ZNF385D: variants seen among roughly 807,000 people sequenced by gnomAD.
The protein encoded by ZNF385D is zinc finger protein 659.
In ZNF385D, 15 loss-of-function variants were observed where a neutral mutation model predicts 35.8. That is an observed-to-expected ratio of 0.42 (90% CI 0.28 to 0.64). The LOEUF (loss-of-function observed/expected upper bound fraction) is 0.64, where lower values mean the gene tolerates loss of function less well. ZNF385D is among the 30% of genes least tolerant of loss of function. The probability of loss-of-function intolerance (pLI) is 0.23; values close to 1 mark genes in which losing one functional copy is unlikely to be tolerated. For synonymous variants in ZNF385D, 212 were observed against 186.8 expected (o/e 1.13, Z -1.10); for missense variants, 474 against 494.6 (o/e 0.96, Z 0.39).
intron 4 of ZNF385D, among the ~76,000 whole-genome samples, chr3:21,445,307 A>G (rs3913942): frequency 0.29 from 43,978 of 152,176 alleles, 7,033 homozygotes; most frequent in Middle Eastern, 0.43. Flanking sequence ...TATTAGGGAC[A>G]TGACTAAACA....
chr3:21,556,769 T>G (rs999549441), intron 3 of ZNF385D, among the ~76,000 whole-genome samples: 3 of 152,240 alleles, frequency 2.0e-5, no homozygotes, highest in Admixed American at 1.3e-4. Flanking sequence ...CTTTGGGCAG[T>G]ATGGCCATTT....
At chr3:21,562,529 C>CTAAT (rs376054344) in intron 3 of ZNF385D, among the ~76,000 whole-genome samples, 28 of 152,144 alleles carry the variant, frequency 1.8e-4, no homozygotes, top group African/African-American at 6.5e-4. Context: ...AAATTTCTTT[C>CTAAT]TAATTCCTAG....
At chr3:22,257,974 T>C (rs1019611580) in intron 2 of ZNF385D, among the ~76,000 whole-genome samples, 1 of 151,844 alleles carries the variant, frequency 6.6e-6, no homozygotes, top group South Asian at 2.1e-4. Flanking sequence ...CAAGTTGAGA[T>C]TGTACAACAA....
intron 2 of ZNF385D, among the ~76,000 whole-genome samples, chr3:22,169,914 C>T (rs1381665366): frequency 6.6e-6 from 1 of 152,148 alleles, no homozygotes; most frequent in East Asian, 1.9e-4. Context: ...CCCACTTTAG[C>T]CTACTAAGTA....
chr3:21,770,782 A>G (rs4594641), intron 3 of ZNF385D, among the ~76,000 whole-genome samples: 12,273 of 152,212 alleles, frequency 0.081, 682 homozygotes, highest in South Asian at 0.17. Context: ...ATAAAGACAC[A>G]TGCACACGTA....
At chr3:21,677,884 T>C (rs1233125043) in intron 1 of ZNF385D, among the ~76,000 whole-genome samples, 1 of 152,002 alleles carries the variant, frequency 6.6e-6, no homozygotes, top group Non-Finnish European at 1.5e-5. Flanking sequence ...TATGCGTACA[T>C]AGGTTGATTG....
At chr3:22,151,823 G>A (rs987300565) in intron 3 of ZNF385D, among the ~76,000 whole-genome samples, 2 of 152,124 alleles carry the variant, frequency 1.3e-5, no homozygotes, top group Non-Finnish European at 2.9e-5. Context: ...ACAAGGGCTA[G>A]AAGAAAATTC....
intron 2 of ZNF385D, among the ~76,000 whole-genome samples, chr3:21,574,875 G>C (rs2063447584): frequency 1.3e-5 from 2 of 151,702 alleles, no homozygotes; most frequent in Admixed American, 1.3e-4. Context: ...ATAAAATTAT[G>C]AGAACTAGAA....
intron 3 of ZNF385D, among the ~76,000 whole-genome samples, chr3:22,167,237 C>G (rs1706395331): frequency 6.6e-6 from 1 of 152,136 alleles, no homozygotes; most frequent in South Asian, 2.1e-4. Flanking sequence ...AAATACCAAC[C>G]CTTTGCTAAT....
At chr3:22,086,049 A>G (rs1701021621) in intron 3 of ZNF385D, among the ~76,000 whole-genome samples, 1 of 152,196 alleles carries the variant, frequency 6.6e-6, no homozygotes, top group South Asian at 2.1e-4. Context: ...GATGGCACAT[A>G]TCTCAAAATA....
intron 3 of ZNF385D, among the ~76,000 whole-genome samples, chr3:22,042,227 A>T (rs1200608294): frequency 6.6e-6 from 1 of 152,078 alleles, no homozygotes; most frequent in African/African-American, 2.4e-5. Flanking sequence ...TACAAACCTC[A>T]TTTCTTAATC....
intron 3 of ZNF385D, among the ~76,000 whole-genome samples, chr3:21,790,891 C>G (rs1019397679): frequency 6.6e-6 from 1 of 151,994 alleles, no homozygotes; most frequent in African/African-American, 2.4e-5. Flanking sequence ...TTTTGCTTGT[C>G]CTTTAGGACT....
In ZNF385D at chr3:21,833,260, CAG is replaced by C. The variant is rs544084517; in HGVS notation, c.326-168234_326-168233del. 2.0e-4 allele frequency among the ~76,000 whole-genome samples: 30 copies of C among 152,252 alleles called. 1 individual carries two copies. The South Asian group carries it at 6.0e-3, about 30-fold the overall frequency. On this transcript the variant is annotated intron_variant, in intron 3 of 5. Transcript: ENST00000494108. ...GTTGGCCCCAAAGTTATGTATACAT[CAG>C]AGTCTCTGAAATCTGCTATTATTAC...
chr3:21,707,792 A>C (rs1266336196), intron 1 of ZNF385D, among the ~76,000 whole-genome samples: 1 of 152,174 alleles, frequency 6.6e-6, no homozygotes, highest in Non-Finnish European at 1.5e-5. Flanking sequence ...TATTCCCTTG[A>C]TCGGTCTTCA....
intron 2 of ZNF385D, among the ~76,000 whole-genome samples, chr3:22,301,668 A>T (rs1299262058): frequency 2.0e-5 from 3 of 152,068 alleles, no homozygotes; most frequent in Non-Finnish European, 4.4e-5. Flanking sequence ...TAAGTGGTAA[A>T]ATATTACAAA....
At chr3:21,577,154 C>T (rs543993299) in intron 2 of ZNF385D, among the ~76,000 whole-genome samples, 1 of 152,124 alleles carries the variant, frequency 6.6e-6, no homozygotes, top group South Asian at 2.1e-4. Context: ...TCTCCTTATC[C>T]TCCTTTTCTC....
chr3:21,854,502 T>C (rs1362636309), intron 3 of ZNF385D, among the ~76,000 whole-genome samples: 1 of 151,970 alleles, frequency 6.6e-6, no homozygotes, highest in East Asian at 1.9e-4. Context: ...TTAATGATCT[T>C]CTGTAGACAT....
rs867522927 is a variant in ZNF385D, at chr3:21,927,875, T to C, written c.325+240942A>G. Among the ~76,000 whole-genome samples, 7 of 152,268 alleles carry C rather than the reference T, an allele frequency of 4.6e-5. No individual in the cohort carries two copies. In the South Asian group the frequency reaches 8.3e-4, roughly 18 times the overall value. On this transcript the variant is annotated intron_variant, in intron 3 of 5. Coordinates refer to the ZNF385D transcript ENST00000494108. The stretch of plus-strand genomic sequence containing the variant: ...ATGACAATAGTTGCAGACATCAATA[T>C]ACCACTCTCGATAACAGCACAACTA...
chr3:21,707,610 G>A (rs977373147), intron 1 of ZNF385D, among the ~76,000 whole-genome samples: 13 of 152,210 alleles, frequency 8.5e-5, no homozygotes, highest in African/African-American at 2.4e-4. Flanking sequence ...GCAGATTACA[G>A]CAGTGTATGC....
Sources: allele counts gnomAD v4.1 joint callset (sites outside exome capture counted in the v4.1 genomes callset), GRCh38; gene constraint gnomAD v4.1.1; transcripts MANE v1.5; gene names NCBI Gene and HGNC (gene_info 2026-07-23, HGNC 2026-07-21).